TCHH: variants seen among roughly 807,000 people sequenced by gnomAD.
The protein encoded by TCHH is trichohyalin.
A neutral mutation model predicts 6.3 loss-of-function variants in TCHH; 6 were observed. The observed-to-expected ratio is 0.95, with a 90% CI of 0.52 to 1.88. The LOEUF is 1.88. TCHH is among the 40% of genes most tolerant of loss of function. The probability of loss-of-function intolerance (pLI) is 0.01; values close to 1 mark genes in which losing one functional copy is unlikely to be tolerated. For missense variants in TCHH, 2,920 were observed against 2,449.1 expected (o/e 1.19, Z -4.06); for synonymous variants, 1,087 against 963.6 (o/e 1.13, Z -2.37).
intron 1 of TCHH, 33 bp from the exon 2 acceptor site, chr1:152,114,144 TC>T: frequency 6.7e-7 from 1 of 1,490,360 alleles, no homozygotes; most frequent in Non-Finnish European, 9.0e-7. Context: ...AGAATCAAAA[TC>T]CCGTTTCTGC....
rs1557811781 is a variant in TCHH at position 152,111,463 on chromosome 1, C to G, written c.1754G>C (p.Arg585Thr). The G allele has an allele frequency of 1.9e-6, 3 of 1,594,242 alleles. No homozygotes were observed. In the South Asian group the frequency reaches 3.3e-5, roughly 18 times the overall value. ...RDQLLKREEE[R>T]RQQRLKREQE... Reference sequence around the variant, plus strand: ...CTCGCGCTTCAGCCGCTGCTGGCGCCTCTCCTCCTCGCGCTTCAGCAGCTG... The same window carrying G: ...CTCGCGCTTCAGCCGCTGCTGGCGCGTCTCCTCCTCGCGCTTCAGCAGCTG... Residue 585 changes from arginine (R) to threonine (T), a missense_variant, in exon 3 of 3, where the codon AGG becomes ACG. Physicochemically the swap from Arg to Thr is moderately conservative, Grantham distance 71. Transcript: ENST00000614923.
In TCHH at chr1:152,112,275, C is replaced by A; in HGVS notation, c.942G>T (p.Arg314Ser). Reference sequence around the variant, plus strand: ...CGCGCCTCTCCTCCTGCTGCTCGCGCCTCTCCTCCTCCTGCTTGCGCCTTA... The same window carrying A: ...CGCGCCTCTCCTCCTGCTGCTCGCGACTCTCCTCCTCCTGCTTGCGCCTTA... ...QQLRRKQEEE[R>S]REQQEERREQ... Residue 314 changes from arginine (R) to serine (S), a missense_variant, in exon 3 of 3, where the codon AGG (arginine) becomes AGT (serine). Coordinates refer to ENST00000614923, the MANE Select transcript of TCHH (RefSeq NM_007113.4). The A allele has an allele frequency of 6.2e-7, 1 of 1,606,742 alleles. No individual in the cohort carries two copies. Among genetic ancestry groups the A allele is most frequent in the Non-Finnish European group, 8.5e-7 (1 of 1,179,170 alleles).
rs1658267254 is a variant in TCHH at position 152,109,954 on chromosome 1, T to G, written c.3263A>C (p.Gln1088Pro). 6.3e-7 allele frequency: 1 copy of G among 1,582,634 alleles called. No individual in the cohort carries two copies. Among genetic ancestry groups the G allele is most frequent in the African/African-American group, 1.4e-5 (1 of 72,136 alleles). ...CTCTCTCAGCAGCTGCTCTTCCTCC[T>G]GCTGCAGCTCCTCTTCCTTCCGATA... ...RQYRKEEELQ[Q>P]EEEQLLREEP... The change falls in exon 3 of 3, where the codon CAG becomes CCG. Residue 1088 changes from glutamine to proline, a missense_variant. Gln to Pro is a moderately conservative substitution (Grantham distance 76). Coordinates refer to ENST00000614923, the MANE Select transcript of TCHH (RefSeq NM_007113.4).
chr1:152,111,484 A>G lies in TCHH; in HGVS notation c.1733T>C (p.Leu578Pro). ...GCGCCTCTCCTCCTCGCGCTTCAGC[A>G]GCTGATCGCGCCTCTCCTCCTGCTC... is the stretch of plus-strand genomic sequence containing the variant. ...KREQEERRDQ[L>P]LKREEERRQQ... The change falls in exon 3 of 3, where the codon CTG (leucine) becomes CCG (proline). Residue 578 changes from leucine (L) to proline (P), a missense_variant. Transcript: ENST00000614923. 1 of 1,539,020 alleles carries G rather than the reference A, an allele frequency of 6.5e-7. No individual in the cohort carries two copies. Among genetic ancestry groups the G allele is most frequent in the Non-Finnish European group, 8.7e-7 (1 of 1,144,920 alleles).
At position 152,114,430 on chromosome 1, in the gene TCHH, A is replaced by G. The variant is rs78825667; in HGVS notation, c.-31-319T>C. Among the ~76,000 whole-genome samples the G allele has an allele frequency of 5.0e-3, 765 of 152,318 alleles. 15 individuals are homozygous for G. Among genetic ancestry groups the G allele is most frequent in the East Asian group, 0.042 (217 of 5,186 alleles). ...TATTTCAGAGTAGAAAATTAAGAGA[A>G]GAGTGCAGAAATTAAAATTTTATAT... On this transcript the variant is annotated intron_variant, in intron 1 of 2. Transcript: ENST00000614923.
Position 152,111,909 on chromosome 1 carries a change from C to T in TCHH, c.1308G>A (p.Gln436=). The change falls in exon 3 of 3, where the codon CAG becomes CAA. Residue 436 remains glutamine, a synonymous_variant. Transcript: ENST00000614923. ...GCTCGCGCCTCTCCTGCTCGTGCTT[C>T]TGCTCGTGCCTCTCCTCCTCCTGCT... ...RREQEEERHE[Q]KHEQERREQR... is the part of the protein sequence containing the mutation. The T allele has an allele frequency of 5.0e-6, 8 of 1,600,494 alleles. No homozygotes were observed. The highest frequency in any genetic ancestry group is 6.8e-6 in the Non-Finnish European group (8 of 1,177,062).
rs372224773 is a variant in TCHH at position 152,112,776 on chromosome 1, C to T, written c.441G>A (p.Glu147=). 6 of 1,613,958 alleles carry T rather than the reference C, an allele frequency of 3.7e-6. No homozygotes were observed. The highest frequency in any genetic ancestry group is 2.7e-5 in the African/African-American group (2 of 74,880). Reference sequence around the variant, plus strand: ...CACTTTGCTCCTCTCCCTCAGCTAGCTCCCTCTCCTGTTCCTGCCTCTTCT... The same window carrying T: ...CACTTTGCTCCTCTCCCTCAGCTAGTTCCCTCTCCTGTTCCTGCCTCTTCT... ...RRQKRQEQER[E]LAEGEEQSEK... The change falls in exon 3 of 3, where the codon GAG becomes GAA. Residue 147 remains glutamate, a synonymous_variant. Coordinates refer to ENST00000614923, the MANE Select transcript of TCHH (RefSeq NM_007113.4).
At position 152,113,981 on chromosome 1, in the gene TCHH, T is replaced by G. The variant is rs1658449366; in HGVS notation, c.100A>C (p.Lys34Gln). The G allele has an allele frequency of 1.9e-6, 3 of 1,613,884 alleles. No individual in the cohort carries two copies. The change falls in exon 2 of 3, where the codon AAG (lysine) becomes CAG (glutamine). Residue 34 changes from lysine to glutamine, a missense_variant. Transcript: ENST00000614923. ...DGAALTKKDL[K>Q]NLLEREFGAV... Reference sequence around the variant, plus strand: ...CCAAATTCCCTTTCAAGGAGGTTCTTCAGGTCTTTCTTAGTTAATGCTGCT... The same window carrying G: ...CCAAATTCCCTTTCAAGGAGGTTCTGCAGGTCTTTCTTAGTTAATGCTGCT...
Position 152,106,406 on chromosome 1 carries a change from T to C in TCHH, c.*979A>G, listed in dbSNP as rs114351128. The C allele has an allele frequency of 2.9e-3, 441 of 152,352 alleles. No individual in the cohort carries two copies. The highest frequency in any genetic ancestry group is 0.014 in the Middle Eastern group (4 of 294). The allele number at this position is 152,352 out of a possible 1,614,324, so 9.4% of individuals were successfully genotyped here. On this transcript the variant is annotated 3_prime_UTR_variant, in exon 3 of 3. Transcript: ENST00000614923. ...GGTATTATCAATAGGCCTCAAATGA[T>C]TGTGGGCAAATGGGTCTTGTCAAAG...
Position 152,110,064 on chromosome 1 carries a change from C to A in TCHH, c.3153G>T (p.Arg1051=), listed in dbSNP as rs1414784461. The part of the protein sequence containing the change: ...RRLQERERQY[R]EEEELQQEEE... ...CCTCCTGCTGCAGCTCCTCTTCCTC[C>A]CGATATTGCCTCTCCCGCTCCTGGA... is the stretch of plus-strand genomic sequence containing the variant. The change falls in exon 3 of 3, where the codon CGG becomes CGT. Residue 1051 remains arginine, a synonymous_variant. Coordinates refer to ENST00000614923, the MANE Select transcript of TCHH (RefSeq NM_007113.4). The A allele has an allele frequency of 6.2e-7, 1 of 1,606,758 alleles. No individual in the cohort carries two copies. The highest frequency in any genetic ancestry group is 1.7e-5 in the Admixed American group (1 of 59,110).
Position 152,107,219 on chromosome 1 carries a change from C to A in TCHH, c.*166G>T. 1 of 683,396 alleles carries A rather than the reference C, an allele frequency of 1.5e-6. No homozygotes were observed. The highest frequency in any genetic ancestry group is 2.3e-6 in the Non-Finnish European group (1 of 427,190). The allele number at this position is 683,396 out of a possible 1,614,324, so 42.3% of individuals were successfully genotyped here. A position where few individuals can be genotyped will look rare whatever the true frequency, so the allele number is the denominator to read the frequency against. On this transcript the variant is annotated 3_prime_UTR_variant, in exon 3 of 3. Transcript: ENST00000614923. ...TGAGGAAGAATAAAAAGCAGAAGTACAAAGTGCGTAAAATGAGCGTAGTTT... is the reference window on the plus strand; with the variant it reads ...TGAGGAAGAATAAAAAGCAGAAGTAAAAAGTGCGTAAAATGAGCGTAGTTT...
In TCHH at chr1:152,111,543, G is replaced by T. The variant is rs766369089; in HGVS notation, c.1674C>A (p.Leu558=). The T allele has an allele frequency of 3.2e-6, 5 of 1,546,170 alleles. No homozygotes were observed. The highest frequency in any genetic ancestry group is 1.7e-4 in the Middle Eastern group (1 of 5,768). ...GCCGCTGCTCTCGCCTCTCCTGCTCGAGCCTCTTCTCCTCCTCGCGCTTCA... is the reference window on the plus strand; with the variant it reads ...GCCGCTGCTCTCGCCTCTCCTGCTCTAGCCTCTTCTCCTCCTCGCGCTTCA... ...QLLKREEEKR[L]EQERREQRLK... The change falls in exon 3 of 3, where the codon CTC becomes CTA. Residue 558 remains leucine (L), a synonymous_variant. Coordinates refer to ENST00000614923, the MANE Select transcript of TCHH (RefSeq NM_007113.4).
chr1:152,111,386 C>G lies in TCHH; in HGVS notation c.1831G>C (p.Glu611Gln). ...RLKREEVERLEQEERREQRLK... is the reference protein window; with the variant it reads ...RLKREEVERLQQEERREQRLK... ...CGCTGCTCGCGCCTCTCCTCCTGCT[C>G]GAGTCTCTCCACCTCCTCGCGCTTC... The change falls in exon 3 of 3, where the codon GAG (glutamate) becomes CAG (glutamine). Residue 611 changes from glutamate to glutamine, a missense_variant. By Grantham distance (29) the Glu-to-Gln change is conservative. Transcript: ENST00000614923. The G allele has an allele frequency of 1.2e-6, 2 of 1,604,590 alleles. No homozygotes were observed. The highest frequency in any genetic ancestry group is 1.7e-6 in the Non-Finnish European group (2 of 1,177,062).
chr1:152,111,410 T>A lies in TCHH; in HGVS notation c.1807A>T (p.Lys603Ter). The change falls in exon 3 of 3, where the codon AAG becomes TAG. Residue 603 changes from lysine (K) to a stop codon, truncating the protein, a stop_gained. Transcript: ENST00000614923. LOFTEE classifies it low-confidence loss of function (END_TRUNC). ...TCGAGTCTCTCCACCTCCTCGCGCT[T>A]CAGTCGCTGCTCGAGCCTCTCTTCC... The part of the protein sequence containing the change: ...EQEERLEQRL[K>*]REEVERLEQE... 1 of 1,599,700 alleles carries A rather than the reference T, an allele frequency of 6.3e-7. No individual in the cohort carries two copies. The highest frequency in any genetic ancestry group is 1.1e-5 in the South Asian group (1 of 90,398).
In TCHH at chr1:152,112,632, A is replaced by T. The variant is rs771854671; in HGVS notation, c.585T>A (p.Ser195Arg). ...ACTCCTCAGTTTCGTGACCTTTGCA[A>T]CTCTGCAGCTGCTCTTCCTCTGCAC... ...ERRAEEEQLQ[S>R]CKGHETEEFP... Residue 195 changes from serine to arginine, a missense_variant, in exon 3 of 3, where the codon AGT (serine) becomes AGA (arginine). Coordinates refer to ENST00000614923, the MANE Select transcript of TCHH (RefSeq NM_007113.4). 3.1e-6 allele frequency: 5 copies of T among 1,604,062 alleles called. No homozygotes were observed. In the South Asian group the frequency reaches 5.5e-5, roughly 18 times the overall value.
At position 152,112,507 on chromosome 1, in the gene TCHH, A is replaced by C; in HGVS notation, c.710T>G (p.Val237Gly). The C allele has an allele frequency of 1.9e-6, 3 of 1,611,572 alleles. No homozygotes were observed. The highest frequency in any genetic ancestry group is 2.5e-6 in the Non-Finnish European group (3 of 1,179,548). ...QQQRRERQDRVFQEEEEKEWR... is the reference protein window; with the variant it reads ...QQQRRERQDRGFQEEEEKEWR... ...CTCTTTCTCTTCTTCCTCCTGGAAC[A>C]CTCTGTCTTGCCGCTCTCGCCTTTG... Residue 237 changes from valine (V) to glycine (G), a missense_variant, in exon 3 of 3, where the codon GTG becomes GGG. Physicochemically the swap from Val to Gly is moderately radical, Grantham distance 109 (BLOSUM62 -3). Coordinates refer to ENST00000614923, the MANE Select transcript of TCHH (RefSeq NM_007113.4).
rs1486304747 is a variant in TCHH at position 152,112,418 on chromosome 1, G to A, written c.799C>T (p.Arg267Trp). The change falls in exon 3 of 3, where the codon CGG becomes TGG. Residue 267 changes from arginine (R) to tryptophan (W), a missense_variant. Physicochemically the swap from Arg to Trp is moderately radical, Grantham distance 101. Transcript: ENST00000614923. ...TCTTCCTCCTGGAGCTCTCTTTGCC[G>A]CTGCGGCTCCTCTTCCTGCAACTTC... ...EEKLQEEEPQRQRELQEEEEQ... is the reference protein window; with the variant it reads ...EEKLQEEEPQWQRELQEEEEQ... The A allele has an allele frequency of 1.2e-6, 2 of 1,613,720 alleles. No homozygotes were observed. The highest frequency in any genetic ancestry group is 1.7e-6 in the Non-Finnish European group (2 of 1,179,982).
Position 152,112,587 on chromosome 1 carries a change from C to T in TCHH, c.630G>A (p.Leu210=). The T allele has an allele frequency of 6.2e-7, 1 of 1,613,734 alleles. No homozygotes were observed. Among genetic ancestry groups the T allele is most frequent in the Non-Finnish European group, 8.5e-7 (1 of 1,180,034 alleles). The change falls in exon 3 of 3, where the codon CTG becomes CTA. Residue 210 remains leucine, a synonymous_variant. Coordinates refer to ENST00000614923, the MANE Select transcript of TCHH (RefSeq NM_007113.4). ...ETEEFPDEEQ[L]RRRELLELRR... ...TCAGCTCCAGCAGCTCCCGCCTTCGCAGTTGCTCTTCGTCTGGAAACTCCT... is the reference window on the plus strand; with the variant it reads ...TCAGCTCCAGCAGCTCCCGCCTTCGTAGTTGCTCTTCGTCTGGAAACTCCT...
Position 152,107,826 on chromosome 1 carries a change from G to A in TCHH, c.5391C>T (p.Phe1797=). The change falls in exon 3 of 3, where the codon TTC becomes TTT. Residue 1797 remains phenylalanine, a synonymous_variant. Coordinates refer to ENST00000614923, the MANE Select transcript of TCHH (RefSeq NM_007113.4). ...CCTGGCGTAGCTGTTCCTCCTCGCG[G>A]AATTTTCTGTCAGACTCTTGGCTGC... ...QLRSQESDRK[F]REEEQLRQER... The A allele has an allele frequency of 6.2e-7, 1 of 1,613,980 alleles. No homozygotes were observed.
Sources: allele counts gnomAD v4.1 joint callset (sites outside exome capture counted in the v4.1 genomes callset), GRCh38; gene constraint gnomAD v4.1.1; transcripts MANE v1.5; gene names NCBI Gene and HGNC (gene_info 2026-07-23, HGNC 2026-07-21).